SRPRA: variants seen among roughly 807,000 people sequenced by gnomAD.
SRPRA encodes the protein SRP receptor subunit alpha.
A neutral mutation model predicts 61.1 loss-of-function variants in SRPRA; 30 were observed. The observed-to-expected ratio is 0.49, with a 90% confidence interval of 0.37 to 0.67. The LOEUF (loss-of-function observed/expected upper bound fraction) is 0.67. SRPRA is among the 30% of genes least tolerant of loss of function. The probability of loss-of-function intolerance (pLI) is 0.00; values close to 1 mark genes in which losing one functional copy is unlikely to be tolerated. For synonymous variants in SRPRA, 324 were observed against 299.7 expected, an observed-to-expected ratio of 1.08 and a Z score of -0.84; for missense variants, 759 against 828.4, an observed-to-expected ratio of 0.92 and a Z score of 1.03.
downstream of SRPRA, among the ~76,000 whole-genome samples, chr11:126,260,091 GCA>G (rs1243931881): frequency 6.6e-6 from 1 of 151,598 alleles, no homozygotes; most frequent in Non-Finnish European, 1.5e-5. Context: ...CAGTACAATG[GCA>G]CAGTCATGGC....
chr11:126,248,020 C>T, the SRPRA span, among the ~76,000 whole-genome samples: 112 of 150,192 alleles, frequency 7.5e-4, no homozygotes, highest in Middle Eastern at 6.9e-3. Context: ...GTGGCACGCA[C>T]CTGTAGTCCC....
chr11:126,268,869 T>A lies in SRPRA; in HGVS notation c.-65A>T. On this transcript the variant is annotated 5_prime_UTR_variant, in exon 1 of 14. Transcript: ENST00000332118. ...TCAGGCCGCGTTCGCCGCCGCTTCCTGCTGCGCCAAGCGCGGGACACGTCA... is the reference window on the plus strand; with the variant it reads ...TCAGGCCGCGTTCGCCGCCGCTTCCAGCTGCGCCAAGCGCGGGACACGTCA... 8 of 1,364,864 alleles carry A rather than the reference T, an allele frequency of 5.9e-6. No homozygotes were observed. The highest frequency in any genetic ancestry group is 7.3e-6 in the Non-Finnish European group (7 of 958,696). The allele number at this position is 1,364,864 out of a possible 1,614,324, so 84.5% of individuals were successfully genotyped here.
chr11:126,241,286 A>G, the SRPRA span: 3 of 391,624 alleles, frequency 7.7e-6, no homozygotes, highest in East Asian at 3.7e-5. Flanking sequence ...TGAGGACTTT[A>G]TATGTACAAA....
chr11:126,246,527 A>G, the SRPRA span, among the ~76,000 whole-genome samples: 1 of 152,246 alleles, frequency 6.6e-6, no homozygotes, highest in Non-Finnish European at 1.5e-5. Context: ...GATAATGTGT[A>G]TAAAATGTCT....
the SRPRA span, among the ~76,000 whole-genome samples, chr11:126,249,731 C>CAAAAAAAAAAAAA: frequency 9.0e-4 from 71 of 78,854 alleles, no homozygotes; most frequent in Non-Finnish European, 1.2e-3. Context: ...GACTCCGTCT[C>CAAAAAAAAAAAAA]AAAAAAAAAA....
Position 126,263,641 on chromosome 11 carries a change from C to T in SRPRA, c.*275G>A. The T allele has an allele frequency of 2.4e-6, 1 of 410,082 alleles. No individual in the cohort carries two copies. The highest frequency in any genetic ancestry group is 4.5e-6 in the Non-Finnish European group (1 of 224,006). 25.4% of individuals were successfully genotyped at this position (410,082 alleles called of 1,614,324 possible). A position where few individuals can be genotyped will look rare whatever the true frequency, so the allele number is the denominator to read the frequency against. Reference sequence around the variant, plus strand: ...ACCATTGGTCAAAGCTGTAATAAGACTGAGTCTGTAGGCAGAGTGAAGGGG... The same window carrying T: ...ACCATTGGTCAAAGCTGTAATAAGATTGAGTCTGTAGGCAGAGTGAAGGGG... On this transcript the variant is annotated 3_prime_UTR_variant, in exon 14 of 14. Coordinates refer to ENST00000332118, the MANE Select transcript of SRPRA (RefSeq NM_003139.4).
chr11:126,240,931 G>A, the SRPRA span: 1 of 1,614,138 alleles, frequency 6.2e-7, no homozygotes, highest in Non-Finnish European at 8.5e-7. Flanking sequence ...ACTGGATGCT[G>A]CCATTGATTT....
chr11:126,268,881 C>A lies in SRPRA; in HGVS notation c.-77G>T. The A allele has an allele frequency of 2.5e-6, 3 of 1,220,386 alleles. No homozygotes were observed. The highest frequency in any genetic ancestry group is 3.6e-6 in the Non-Finnish European group (3 of 831,978). The allele number at this position is 1,220,386 out of a possible 1,614,324, so 75.6% of individuals were successfully genotyped here. On this transcript the variant is annotated 5_prime_UTR_variant, in exon 1 of 14. Coordinates refer to ENST00000332118, the MANE Select transcript of SRPRA (RefSeq NM_003139.4). ...CGCCGCCGCTTCCTGCTGCGCCAAG[C>A]GCGGGACACGTCACACCAGTGGCCC... is the stretch of plus-strand genomic sequence containing the variant.
chr11:126,256,574 T>A, the SRPRA span: 1 of 1,613,466 alleles, frequency 6.2e-7, no homozygotes, highest in South Asian at 1.1e-5. The surrounding 1 kb of genome is among the most constrained non-coding windows in gnomAD (Gnocchi z 6.6). Flanking sequence ...CAGAGAGAAA[T>A]TCAGAAACTC....
At chr11:126,237,321 A>G in the SRPRA span, among the ~76,000 whole-genome samples, 22 of 138,260 alleles carry the variant, frequency 1.6e-4, no homozygotes, top group Non-Finnish European at 2.6e-4. Context: ...CCCGGGTTCA[A>G]GCAATTCTCC....
rs771055421 is a variant in SRPRA at position 126,265,335 on chromosome 11, C to T, written c.1244G>A (p.Arg415His). The T allele has an allele frequency of 4.2e-5, 67 of 1,613,922 alleles. No homozygotes were observed. The highest frequency in any genetic ancestry group is 1.1e-4 in the South Asian group (10 of 91,066). ...MLRDIMDAQRRQRPYVVTFCG... is the reference protein window; with the variant it reads ...MLRDIMDAQRHQRPYVVTFCG... ...GAAGGTGACGACATAAGGGCGCTGG[C>T]GACGCTGGGCATCCATGATGTCCCG... Residue 415 changes from arginine to histidine, a missense_variant, in exon 10 of 14, where the codon CGC (arginine) becomes CAC (histidine). Arg to His is a conservative substitution (Grantham distance 29, BLOSUM62 0). This residue lies in a region of SRPRA where 284 missense variants were observed against 365.9 expected (regional missense o/e 0.78). Coordinates refer to ENST00000332118, the MANE Select transcript of SRPRA (RefSeq NM_003139.4). This position sits in a 1 kb window ranked among gnomAD's most constrained non-coding sequence, Gnocchi z 6.3.
At chr11:126,255,104 G>C in the SRPRA span, among the ~76,000 whole-genome samples, 1 of 152,162 alleles carries the variant, frequency 6.6e-6, no homozygotes, top group Non-Finnish European at 1.5e-5. The surrounding 1 kb of genome is among the most constrained non-coding windows in gnomAD (Gnocchi z 4.6). Context: ...ACCACTACTA[G>C]AGAATACATT....
chr11:126,249,556 C>T, the SRPRA span, among the ~76,000 whole-genome samples: 57 of 151,916 alleles, frequency 3.8e-4, no homozygotes, highest in African/African-American at 1.3e-3. Context: ...GATGGTGAAA[C>T]CCCGTCTCTA....
chr11:126,251,578 T>G, the SRPRA span, among the ~76,000 whole-genome samples: 28 of 152,348 alleles, frequency 1.8e-4, no homozygotes, highest in African/African-American at 6.5e-4. Context: ...GCCCTCATAT[T>G]CTGTATGGTC....
the SRPRA span, among the ~76,000 whole-genome samples, chr11:126,243,004 C>A: frequency 2.0e-5 from 3 of 152,176 alleles, no homozygotes; most frequent in Non-Finnish European, 2.9e-5. Context: ...AATGTCTGTC[C>A]ATGCAATGTT....
chr11:126,262,323 T>G, downstream of SRPRA: 1 of 543,942 alleles, frequency 1.8e-6, no homozygotes. Context: ...CTTGATATTC[T>G]GCCGCCTGTT....
In SRPRA at chr11:126,268,705, G is replaced by T. The variant is rs776062727; in HGVS notation, c.100C>A (p.Arg34Ser). ...GACGGTACCTGCAGCAGCACGGAAC[G>T]AATCAACGCGTTAACGGGTCCGGTG... ...SCTGPVNALI[R>S]SVLLQERGGN... is the part of the protein sequence containing the mutation. The change falls in exon 1 of 14, where the codon CGT (arginine) becomes AGT (serine). Residue 34 changes from arginine (R) to serine (S), a missense_variant. Physicochemically the swap from Arg to Ser is moderately radical, Grantham distance 110 (BLOSUM62 -1). This residue lies in a region of SRPRA where 475 missense variants were observed against 462.5 expected (regional missense o/e 1.03). Coordinates refer to ENST00000332118, the MANE Select transcript of SRPRA (RefSeq NM_003139.4). 3.7e-6 allele frequency: 6 copies of T among 1,613,646 alleles called. No individual in the cohort carries two copies. In the African/African-American group the frequency reaches 4.0e-5, roughly 11 times the overall value.
Position 126,267,595 on chromosome 11 carries a change from ATAAACT to A in SRPRA, c.313_318del (p.Ser105_Leu106del). On this transcript the variant is annotated inframe_deletion, in exon 3 of 14. Transcript: ENST00000332118. This position sits in a 1 kb window ranked among gnomAD's most constrained non-coding sequence, Gnocchi z 4.2. ...TTTTGGAAATCAAAAGTGCCATTTA[ATAAACT>A]TAAAGCACTTTGCTGTTGGATCTCT... The A allele has an allele frequency of 6.2e-6, 10 of 1,614,152 alleles. No homozygotes were observed. The highest frequency in any genetic ancestry group is 1.7e-5 in the Admixed American group (1 of 60,034).
downstream of SRPRA, chr11:126,262,887 G>A (rs1006704001): frequency 1.3e-5 from 2 of 152,558 alleles, no homozygotes; most frequent in Admixed American, 1.3e-4. Context: ...GTGTGTTGTG[G>A]AATTTTAGTT....
Sources: gnomAD v4.1 joint callset for allele counts (sites outside exome capture counted in the v4.1 genomes callset) on GRCh38, gnomAD v4.1.1 for gene constraint, gnomAD v4.1.1 regional missense constraint, Gnocchi (gnomAD v3.1) non-coding constraint, MANE v1.5 for transcripts, NCBI Gene and HGNC (gene_info 2026-07-23, HGNC 2026-07-21) for gene names.